The following FAT3 variants were observed in gnomAD, a reference collection of about 807,000 sequenced individuals.
FAT3 encodes protocadherin Fat 3.
FAT3 carries 95 observed loss-of-function variants against 310.2 expected under a neutral mutation model. The ratio of observed to expected loss-of-function variants is 0.31; its 90% confidence interval spans 0.26 to 0.36. FAT3 has a LOEUF of 0.36. FAT3 is among the 10% of genes least tolerant of loss of function. FAT3 has a pLI of 1.00. For synonymous variants in FAT3, 2,314 were observed against 2,192.9 expected (o/e 1.06, Z -1.54); for missense variants, 5,408 against 5,715.6 (o/e 0.95, Z 1.74).
intron 3 of FAT3, among the ~76,000 whole-genome samples, chr11:92,526,157 T>G (rs1238002774): frequency 6.6e-6 from 1 of 152,166 alleles, no homozygotes; most frequent in Admixed American, 6.5e-5. Context: ...GCCCAACCTT[T>G]CAGAGCCCCA....
At chr11:92,325,399 G>A (rs1947736954) in intron 1 of FAT3, among the ~76,000 whole-genome samples, 1 of 152,180 alleles carries the variant, frequency 6.6e-6, no homozygotes, top group Admixed American at 6.5e-5. Context: ...TGTACACAAT[G>A]AGTATAACAG....
At chr11:92,833,575 A>G (rs1246088571) in intron 14 of FAT3, among the ~76,000 whole-genome samples, 1 of 152,200 alleles carries the variant, frequency 6.6e-6, no homozygotes, top group Non-Finnish European at 1.5e-5. Context: ...TTCTAATATA[A>G]TATAATATAA....
intron 2 of FAT3, among the ~76,000 whole-genome samples, chr11:92,412,758 T>TAC (rs1950323280): frequency 1.6e-5 from 1 of 61,180 alleles, no homozygotes; most frequent in Non-Finnish European, 3.8e-5. Context: ...TATACATACA[T>TAC]ATATATATAT....
At chr11:92,627,454 T>C (rs1270367730) in intron 3 of FAT3, among the ~76,000 whole-genome samples, 2 of 152,194 alleles carry the variant, frequency 1.3e-5, no homozygotes, top group African/African-American at 2.4e-5. Flanking sequence ...TGAAAGTGTT[T>C]CCTGGGATTT....
At chr11:92,323,544 C>T (rs1462467985) in intron 1 of FAT3, among the ~76,000 whole-genome samples, 2 of 151,860 alleles carry the variant, frequency 1.3e-5, no homozygotes, top group Admixed American at 6.6e-5. Flanking sequence ...TAAGCCACTG[C>T]ACCTGGCACA....
intron 2 of FAT3, among the ~76,000 whole-genome samples, chr11:92,470,349 A>G (rs894266490): frequency 6.6e-6 from 1 of 152,240 alleles, no homozygotes; most frequent in East Asian, 1.9e-4. Context: ...GTCTTCCACC[A>G]TCAGTTATAT....
chr11:92,502,886 G>A (rs955036416), intron 2 of FAT3, among the ~76,000 whole-genome samples: 5 of 152,060 alleles, frequency 3.3e-5, no homozygotes, highest in Non-Finnish European at 5.9e-5. Flanking sequence ...TCATTTGCGT[G>A]ATGTAACCTT....
intron 13 of FAT3, among the ~76,000 whole-genome samples, chr11:92,816,702 G>A (rs1947834810): frequency 6.6e-6 from 1 of 152,158 alleles, no homozygotes; most frequent in Non-Finnish European, 1.5e-5. Context: ...AGAGCTGGGT[G>A]TGGTGGCTCA....
intron 1 of FAT3, among the ~76,000 whole-genome samples, chr11:92,309,773 C>T (rs1232426923): frequency 6.6e-6 from 1 of 152,112 alleles, no homozygotes; most frequent in Non-Finnish European, 1.5e-5. Context: ...GCATGGCGGG[C>T]ATGCCTGCTG....
chr11:92,389,157 A>T (rs1442291598), intron 2 of FAT3, among the ~76,000 whole-genome samples: 3 of 152,166 alleles, frequency 2.0e-5, no homozygotes, highest in Non-Finnish European at 4.4e-5. Context: ...AAGGTAAGAA[A>T]ACTAACACAC....
Position 92,798,152 on chromosome 11 carries a change from C to A in FAT3, c.5139C>A (p.Ile1713=), listed in dbSNP as rs1372430604. 1.2e-6 allele frequency: 2 copies of A among 1,613,812 alleles called. No homozygotes were observed. Among genetic ancestry groups the A allele is most frequent in the Non-Finnish European group, 1.7e-6 (2 of 1,179,864 alleles). Residue 1713 remains isoleucine, a synonymous_variant, in exon 10 of 28, where the codon ATC becomes ATA. Coordinates refer to ENST00000525166, the MANE Select transcript of FAT3 (RefSeq NM_001367949.2). The part of the protein sequence containing the change: ...YEVKDGDING[I]FTINPYSGVI... ...TCAAAGATGGAGACATTAATGGGATCTTTACCATAAATCCATATTCTGGAG... is the reference window on the plus strand; with the variant it reads ...TCAAAGATGGAGACATTAATGGGATATTTACCATAAATCCATATTCTGGAG...
chr11:92,335,526 C>A (rs1262096123), intron 1 of FAT3, among the ~76,000 whole-genome samples: 1 of 152,148 alleles, frequency 6.6e-6, no homozygotes, highest in Non-Finnish European at 1.5e-5. Context: ...CTCAGGTGTT[C>A]TGCACCTTAT....
At chr11:92,759,313 G>C (rs974605515) in intron 4 of FAT3, among the ~76,000 whole-genome samples, 4 of 152,240 alleles carry the variant, frequency 2.6e-5, no homozygotes, top group African/African-American at 9.6e-5. Context: ...AGAGCAGTGA[G>C]AAAACAAGCA....
intron 19 of FAT3, among the ~76,000 whole-genome samples, chr11:92,855,105 A>C (rs1476180990): frequency 6.6e-6 from 1 of 152,232 alleles, no homozygotes; most frequent in Non-Finnish European, 1.5e-5. Context: ...TTTTAAGCAT[A>C]GACTACTGGT....
intron 1 of FAT3, among the ~76,000 whole-genome samples, chr11:92,244,100 C>T (rs1043284193): frequency 1.3e-5 from 2 of 152,016 alleles, no homozygotes; most frequent in African/African-American, 4.8e-5. Context: ...TAGAAGAGAA[C>T]TTTGAAGTAG....
intron 3 of FAT3, among the ~76,000 whole-genome samples, chr11:92,628,663 G>GCATTT (rs1941428134): frequency 1.3e-5 from 2 of 152,136 alleles, no homozygotes; most frequent in Admixed American, 1.3e-4. Flanking sequence ...TCCAAAAGGC[G>GCATTT]GTGTTTCCAT....
In FAT3 at chr11:92,792,938, A is replaced by G; in HGVS notation, c.4783A>G (p.Lys1595Glu). 5 of 1,613,748 alleles carry G rather than the reference A, an allele frequency of 3.1e-6. No individual in the cohort carries two copies. Among genetic ancestry groups the G allele is most frequent in the Non-Finnish European group, 4.2e-6 (5 of 1,179,756 alleles). The change falls in exon 9 of 28, where the codon AAA becomes GAA. Residue 1595 changes from lysine to glutamate, a missense_variant. This residue lies in a region of FAT3 where 4,588 missense variants were observed against 4,809.8 expected (regional missense o/e 0.95). Transcript: ENST00000525166. ...VLQVTALDKDKGENAELIYTI... is the reference protein window; with the variant it reads ...VLQVTALDKDEGENAELIYTI... Reference sequence around the variant, plus strand: ...GCAAGTGACGGCTCTGGACAAAGACAAAGGAGAAAATGCAGAACTCATATA... The same window carrying G: ...GCAAGTGACGGCTCTGGACAAAGACGAAGGAGAAAATGCAGAACTCATATA...
intron 2 of FAT3, among the ~76,000 whole-genome samples, chr11:92,395,665 AC>A (rs1294283138): frequency 6.7e-6 from 1 of 149,466 alleles, no homozygotes; most frequent in East Asian, 2.0e-4. Context: ...TGCAATCTCC[AC>A]CTCCCAGTTT....
At chr11:92,710,527 A>G (rs1944488738) in intron 4 of FAT3, among the ~76,000 whole-genome samples, 1 of 152,214 alleles carries the variant, frequency 6.6e-6, no homozygotes, top group South Asian at 2.1e-4. Context: ...TAACCGCAGC[A>G]GACAGACTCT....
Sources: allele counts gnomAD v4.1 joint callset (sites outside exome capture counted in the v4.1 genomes callset), GRCh38; gene constraint gnomAD v4.1.1; regional missense constraint gnomAD v4.1.1; transcripts MANE v1.5; gene names NCBI Gene and HGNC (gene_info 2026-07-23, HGNC 2026-07-21).